KAZN: variants seen among roughly 807,000 people sequenced by gnomAD.
The protein encoded by KAZN is kazrin, periplakin interacting protein, also known as kazrin.
A neutral mutation model predicts 87.4 loss-of-function variants in KAZN; 40 were observed. The observed-to-expected ratio is 0.46, with a 90% confidence interval of 0.36 to 0.60. The LOEUF is 0.60. Among genes scored for constraint, KAZN ranks in the 20% least tolerant of loss-of-function variants. The pLI is 0.00. For missense variants in KAZN, 898 were observed against 1,073.9 expected (o/e 0.84, Z 2.29); for synonymous variants, 466 against 458.3 (o/e 1.02, Z -0.22).
chr1:14,373,769 G>T lies in KAZN; in HGVS notation c.249+193177G>T, dbSNP rs192058468. On this transcript the variant is annotated intron_variant, in intron 2 of 16. Coordinates refer to the KAZN transcript ENST00000636203. ...GGTGTGTTCCTTCTCTGACCCCAAG[G>T]TGATGTGTAAGATGAAAAGATGGCT... is the stretch of plus-strand genomic sequence containing the variant. Among the ~76,000 whole-genome samples the T allele has an allele frequency of 3.0e-4, 45 of 152,292 alleles. No individual in the cohort carries two copies. The South Asian group carries it at 5.2e-3, about 18-fold the overall frequency.
Position 15,090,142 on chromosome 1 carries a change from G to A in KAZN, c.1223-4038G>A, listed in dbSNP as rs1047619842. Among the ~76,000 whole-genome samples, 10 of 152,310 alleles carry A rather than the reference G, an allele frequency of 6.6e-5. No individual in the cohort carries two copies. The East Asian group carries it at 1.9e-3, about 29-fold the overall frequency. ...TTCTCATTATTCCCATTTTATATAT[G>A]GAGAAACGGAGGCTTCAAGGAATCT... On this transcript the variant is annotated intron_variant, in intron 8 of 14. Transcript: ENST00000376030.
intron 2 of KAZN, among the ~76,000 whole-genome samples, chr1:14,518,990 A>T (rs532727770): frequency 2.4e-4 from 36 of 152,286 alleles, no homozygotes; most frequent in African/African-American, 8.4e-4. Flanking sequence ...AGGGACCCTG[A>T]ATAATGAGGC....
At chr1:14,450,294 A>G (rs1378647244) in intron 2 of KAZN, among the ~76,000 whole-genome samples, 1 of 152,146 alleles carries the variant, frequency 6.6e-6, no homozygotes, top group Non-Finnish European at 1.5e-5. Context: ...CCTGATATAA[A>G]CAGAGCTGCT....
chr1:14,439,290 G>A (rs1246746310), intron 2 of KAZN, among the ~76,000 whole-genome samples: 2 of 152,006 alleles, frequency 1.3e-5, no homozygotes, highest in Non-Finnish European at 2.9e-5. Flanking sequence ...AGTTCTGTTG[G>A]CTCTGCATTC....
chr1:14,126,762 C>A (rs1367664731), intron 1 of KAZN, among the ~76,000 whole-genome samples: 2 of 152,164 alleles, frequency 1.3e-5, no homozygotes, highest in Non-Finnish European at 2.9e-5. Flanking sequence ...CCTTGGACTG[C>A]TCATGCTGGG....
At chr1:14,946,430 C>T (rs769780729) in intron 1 of KAZN, among the ~76,000 whole-genome samples, 2 of 151,606 alleles carry the variant, frequency 1.3e-5, no homozygotes, top group African/African-American at 2.4e-5. Context: ...CTCTGCCTCC[C>T]GGGTTCACGC....
rs145937024 is a variant in KAZN at position 14,265,825 on chromosome 1, C to T, written c.249+85233C>T. ...GATGCTCTCTAGGGAGAGTTACCAG[C>T]AGGTGGTGATTTGCCCTTTTCCTTA... On this transcript the variant is annotated intron_variant, in intron 2 of 16. Transcript: ENST00000636203. Among the ~76,000 whole-genome samples, 948 of 152,332 alleles carry T rather than the reference C, an allele frequency of 6.2e-3. 17 individuals are homozygous for T. The highest frequency in any genetic ancestry group is 0.022 in the African/African-American group (916 of 41,582).
intron 1 of KAZN, among the ~76,000 whole-genome samples, chr1:14,717,455 G>A (rs936520316): frequency 7.2e-5 from 11 of 151,958 alleles, no homozygotes; most frequent in South Asian, 6.2e-4. Context: ...CCCAGCTTGC[G>A]GTGGCCCCGG....
At chr1:14,106,577 C>T (rs1026002459) in intron 1 of KAZN, among the ~76,000 whole-genome samples, 1 of 152,158 alleles carries the variant, frequency 6.6e-6, no homozygotes, top group Non-Finnish European at 1.5e-5. Flanking sequence ...CTTCTGCCTC[C>T]TCCCCATCCA....
intron 2 of KAZN, among the ~76,000 whole-genome samples, chr1:14,985,662 A>G (rs1666735080): frequency 6.6e-6 from 1 of 152,206 alleles, no homozygotes; most frequent in Admixed American, 6.5e-5. Flanking sequence ...CGTTGGATTG[A>G]GGCAGGGCAG....
At chr1:14,543,636 T>C (rs1352592963) in intron 2 of KAZN, among the ~76,000 whole-genome samples, 1 of 152,208 alleles carries the variant, frequency 6.6e-6, no homozygotes, top group African/African-American at 2.4e-5. Context: ...GCTTCATACT[T>C]GCTGCAGTGA....
At chr1:14,604,814 A>G (rs1399578355) in intron 1 of KAZN, among the ~76,000 whole-genome samples, 2 of 152,116 alleles carry the variant, frequency 1.3e-5, no homozygotes, top group Non-Finnish European at 2.9e-5. Flanking sequence ...GCTCAGATGG[A>G]GCTTGGAACA....
At position 15,021,494 on chromosome 1, in the gene KAZN, C is replaced by T. The variant is rs1472339212; in HGVS notation, c.419-13255C>T. Among the ~76,000 whole-genome samples, 4 of 152,186 alleles carry T rather than the reference C, an allele frequency of 2.6e-5. No individual in the cohort carries two copies. Among genetic ancestry groups the T allele is most frequent in the South Asian group, 4.1e-4 (2 of 4,824 alleles). Reference sequence around the variant, plus strand: ...AACACCACCCGCTCCCAGTCCCGGCCCCTCCCATTTCCCTCCTGCTGGTAT... The same window carrying T: ...AACACCACCCGCTCCCAGTCCCGGCTCCTCCCATTTCCCTCCTGCTGGTAT... On this transcript the variant is annotated intron_variant, in intron 2 of 14. Coordinates refer to ENST00000376030, the MANE Select transcript of KAZN (RefSeq NM_201628.3). The surrounding 1 kb of genome is among the most constrained non-coding windows in gnomAD (Gnocchi z 4.2).
intron 1 of KAZN, among the ~76,000 whole-genome samples, chr1:14,937,112 T>G (rs560137316): frequency 2.2e-4 from 34 of 152,294 alleles, no homozygotes; most frequent in Admixed American, 5.2e-4. Flanking sequence ...GTGCAGCCCC[T>G]CTGGGCATAA....
intron 1 of KAZN, among the ~76,000 whole-genome samples, chr1:14,789,865 C>A (rs1245019843): frequency 2.0e-5 from 3 of 148,390 alleles, no homozygotes; most frequent in Non-Finnish European, 4.5e-5. Flanking sequence ...TATGCTCTGG[C>A]TACAAATTGC....
intron 1 of KAZN, among the ~76,000 whole-genome samples, chr1:14,849,061 C>T (rs1305097487): frequency 2.0e-5 from 3 of 152,122 alleles, no homozygotes; most frequent in East Asian, 1.9e-4. Flanking sequence ...TACAGACCAG[C>T]GAACTGAGGC....
At chr1:15,050,454 G>A (rs184853349) in intron 4 of KAZN, among the ~76,000 whole-genome samples, 16 of 152,256 alleles carry the variant, frequency 1.1e-4, no homozygotes, top group Admixed American at 4.6e-4. Context: ...TTCCTCATCT[G>A]TAAAAACGAC....
intron 1 of KAZN, among the ~76,000 whole-genome samples, chr1:13,942,457 G>A (rs1413823489): frequency 4.1e-5 from 6 of 147,028 alleles, no homozygotes; most frequent in Admixed American, 1.4e-4. Context: ...GGAGAATGGC[G>A]TGAACCCGGG....
chr1:14,040,213 T>C (rs979031828), intron 1 of KAZN, among the ~76,000 whole-genome samples: 1 of 152,108 alleles, frequency 6.6e-6, no homozygotes, highest in Non-Finnish European at 1.5e-5. Flanking sequence ...TTCCACCAAA[T>C]GTGAGCACCC....
Sources: allele counts gnomAD v4.1 joint callset (sites outside exome capture counted in the v4.1 genomes callset), GRCh38; gene constraint gnomAD v4.1.1; non-coding constraint Gnocchi (gnomAD v3.1); transcripts MANE v1.5; gene names NCBI Gene and HGNC (gene_info 2026-07-23, HGNC 2026-07-21).